The following RXFP1 variants were observed in gnomAD, a reference collection of about 807,000 sequenced individuals.
The protein encoded by RXFP1 is relaxin family peptide receptor 1.
Under a neutral mutation model 89.8 loss-of-function variants are expected in RXFP1, and 73 were observed. The observed-to-expected ratio is 0.81, with a 90% CI of 0.67 to 0.99. RXFP1 has a LOEUF of 0.99. RXFP1 is among the 50% of genes least tolerant of loss of function. The pLI, the probability that RXFP1 is intolerant of heterozygous loss-of-function variation, is 0.00. For synonymous variants in RXFP1, 277 were observed against 305.5 expected, an observed-to-expected ratio of 0.91 and a Z score of 0.97; for missense variants, 793 against 895.5, an observed-to-expected ratio of 0.89 and a Z score of 1.46.
chr4:158,646,787 C>T lies in RXFP1; in HGVS notation c.1346-4C>T, dbSNP rs745765644. The T allele has an allele frequency of 3.8e-6, 6 of 1,589,976 alleles. 1 individual carries two copies. In the East Asian group the frequency reaches 1.1e-4, roughly 30 times the overall value. The stretch of plus-strand genomic sequence containing the variant: ...CTAAATTTGTGAAACTATGACTCCT[C>T]TAGGTGCCGACTGCTTAATGGGAAT... On this transcript the variant is annotated splice_polypyrimidine_tract_variant and splice_region_variant and intron_variant, in intron 15 of 17. Transcript: ENST00000307765.
intron 1 of RXFP1, among the ~76,000 whole-genome samples, chr4:158,541,001 T>C (rs1746475668): frequency 6.6e-6 from 1 of 152,176 alleles, no homozygotes; most frequent in Non-Finnish European, 1.5e-5. Context: ...ATAGCCACCA[T>C]GGCAATCCTA....
intron 1 of RXFP1, among the ~76,000 whole-genome samples, chr4:158,550,247 G>A (rs909380057): frequency 3.3e-5 from 5 of 152,208 alleles, no homozygotes; most frequent in Admixed American, 2.0e-4. Flanking sequence ...AGGACCCTCC[G>A]AGCCATGTGT....
At chr4:158,593,973 A>T (rs1321301994) in intron 3 of RXFP1, among the ~76,000 whole-genome samples, 2 of 152,200 alleles carry the variant, frequency 1.3e-5, no homozygotes, top group African/African-American at 4.8e-5. Flanking sequence ...AACTTACAAA[A>T]ACACTGGAGG....
intron 2 of RXFP1, among the ~76,000 whole-genome samples, chr4:158,576,088 G>A (rs1445090127): frequency 6.6e-6 from 1 of 152,116 alleles, no homozygotes; most frequent in Non-Finnish European, 1.5e-5. Context: ...TTGGATATCT[G>A]GGAAAGATCA....
At chr4:158,631,754 A>G (rs1379137798) in intron 11 of RXFP1, among the ~76,000 whole-genome samples, 1 of 152,192 alleles carries the variant, frequency 6.6e-6, no homozygotes, top group Non-Finnish European at 1.5e-5. Flanking sequence ...AGTGGTAGGC[A>G]AGGAGACTGG....
intron 17 of RXFP1, among the ~76,000 whole-genome samples, chr4:158,649,966 A>C (rs1481905510): frequency 6.6e-6 from 1 of 152,266 alleles, no homozygotes; most frequent in African/African-American, 2.4e-5. Context: ...TATTCACAAT[A>C]GCCAAAAGTT....
chr4:158,532,078 T>TC (rs1213263533), intron 1 of RXFP1, among the ~76,000 whole-genome samples: 6 of 151,862 alleles, frequency 4.0e-5, no homozygotes, highest in African/African-American at 7.3e-5. Flanking sequence ...TTCAGAATTT[T>TC]CCCCCCCTCC....
At chr4:158,523,774 C>T (rs1741765417) in intron 1 of RXFP1, among the ~76,000 whole-genome samples, 1 of 152,156 alleles carries the variant, frequency 6.6e-6, no homozygotes. Context: ...GAGTTTAGCC[C>T]CTCACCCAGG....
intron 1 of RXFP1, among the ~76,000 whole-genome samples, chr4:158,527,132 G>T (rs1158191464): frequency 6.6e-6 from 1 of 152,060 alleles, no homozygotes; most frequent in East Asian, 1.9e-4. Flanking sequence ...TTAATAGTAA[G>T]ATTCACACTT....
intron 1 of RXFP1, among the ~76,000 whole-genome samples, chr4:158,568,463 C>A (rs1252804239): frequency 2.6e-5 from 4 of 152,152 alleles, no homozygotes; most frequent in African/African-American, 9.7e-5. Flanking sequence ...GAGGCTAATT[C>A]ATTAAAGAAT....
chr4:158,584,604 C>T (rs142281682), intron 2 of RXFP1, among the ~76,000 whole-genome samples: 154 of 152,248 alleles, frequency 1.0e-3, no homozygotes, highest in African/African-American at 3.4e-3. Flanking sequence ...CTGTTCTGGC[C>T]TCTGCTCTGA....
At chr4:158,558,935 C>T (rs750247823) in intron 1 of RXFP1, among the ~76,000 whole-genome samples, 2 of 152,052 alleles carry the variant, frequency 1.3e-5, no homozygotes, top group Admixed American at 6.5e-5. Context: ...TGACAGCTGT[C>T]GTAATATTAG....
intron 1 of RXFP1, among the ~76,000 whole-genome samples, chr4:158,534,498 C>T (rs887121972): frequency 6.6e-6 from 1 of 152,092 alleles, no homozygotes; most frequent in Admixed American, 6.6e-5. Flanking sequence ...CCGCCCGCCT[C>T]GGCCTCCCAA....
chr4:158,587,346 C>T (rs985674847), intron 2 of RXFP1, among the ~76,000 whole-genome samples: 6 of 152,196 alleles, frequency 3.9e-5, no homozygotes, highest in Non-Finnish European at 8.8e-5. Flanking sequence ...CATAACACTA[C>T]TATGTTTTTG....
At chr4:158,585,895 T>G (rs1230755466) in intron 2 of RXFP1, among the ~76,000 whole-genome samples, 1 of 152,254 alleles carries the variant, frequency 6.6e-6, no homozygotes, top group African/African-American at 2.4e-5. Context: ...TTAAACTACT[T>G]GATGGTCGAC....
At chr4:158,549,926 C>T (rs560216853) in intron 1 of RXFP1, among the ~76,000 whole-genome samples, 1 of 152,324 alleles carries the variant, frequency 6.6e-6, no homozygotes, top group Admixed American at 6.5e-5. Flanking sequence ...GCAGTCTGCC[C>T]ATTCTCAGAT....
intron 1 of RXFP1, among the ~76,000 whole-genome samples, chr4:158,539,694 T>C (rs923861719): frequency 6.6e-6 from 1 of 152,202 alleles, no homozygotes; most frequent in Non-Finnish European, 1.5e-5. Flanking sequence ...CCCATGGTGC[T>C]TACAATTTCA....
At position 158,647,059 on chromosome 4, in the gene RXFP1, T is replaced by C. The variant is rs547113524; in HGVS notation, c.1614T>C (p.Thr538=). The change falls in exon 16 of 18, where the codon ACT becomes ACC. Residue 538 remains threonine, a synonymous_variant. Transcript: ENST00000307765. ...CAGTTCTGATTCTCATTTGGATTAC[T>C]GGTTTTATAGTGGCTTTCATTCCAT... is the stretch of plus-strand genomic sequence containing the variant. The part of the protein sequence containing the change: ...TITVLILIWI[T]GFIVAFIPLS... The C allele has an allele frequency of 2.0e-5, 33 of 1,614,220 alleles. No individual in the cohort carries two copies. The South Asian group carries it at 2.1e-4, about 10-fold the overall frequency.
chr4:158,529,812 C>T (rs1403851926), intron 1 of RXFP1, among the ~76,000 whole-genome samples: 1 of 152,206 alleles, frequency 6.6e-6, no homozygotes, highest in Admixed American at 6.5e-5. Flanking sequence ...CAAAGAGAAA[C>T]TCTCCTGTCT....
Sources: gnomAD v4.1 joint callset for allele counts (sites outside exome capture counted in the v4.1 genomes callset) on GRCh38, gnomAD v4.1.1 for gene constraint, MANE v1.5 for transcripts, NCBI Gene and HGNC (gene_info 2026-07-23, HGNC 2026-07-21) for gene names.